The following FANCC variants were observed in gnomAD, a reference collection of about 807,000 sequenced individuals.
FANCC encodes FA complementation group C.
A neutral mutation model predicts 71.3 loss-of-function variants in FANCC; 55 were observed. That is an observed-to-expected ratio of 0.77 (90% CI 0.62 to 0.97). FANCC has a LOEUF of 0.97. Ranked by LOEUF, FANCC falls within the 50% of genes least tolerant of loss-of-function variation. The pLI, the probability that FANCC is intolerant of heterozygous loss-of-function variation, is 0.00. For synonymous variants in FANCC, 275 were observed against 244.9 expected, an observed-to-expected ratio of 1.12 and a Z score of -1.15; for missense variants, 678 against 670.9, an observed-to-expected ratio of 1.01 and a Z score of -0.12.
intron 4 of FANCC, among the ~76,000 whole-genome samples, chr9:95,235,564 G>T (rs879892722): frequency 1.3e-5 from 2 of 152,138 alleles, no homozygotes; most frequent in Non-Finnish European, 2.9e-5. Flanking sequence ...GCACAAAGTG[G>T]CCAGGCACAG....
chr9:95,135,726 C>G (rs1332680374), intron 7 of FANCC, among the ~76,000 whole-genome samples: 2 of 152,130 alleles, frequency 1.3e-5, no homozygotes, highest in East Asian at 3.9e-4. Flanking sequence ...ATCAGAAATG[C>G]TCAGGAAAAA....
intron 13 of FANCC, chr9:95,111,081 C>T: frequency 6.6e-7 from 1 of 1,512,356 alleles, no homozygotes; most frequent in Non-Finnish European, 8.8e-7. Flanking sequence ...CGAGACAGGG[C>T]CCTGGCTGTG....
chr9:95,135,292 G>T (rs529269769), intron 8 of FANCC, 54 bp downstream of exon 8: 100 of 1,554,638 alleles, frequency 6.4e-5, no homozygotes, highest in Non-Finnish European at 8.3e-5. Context: ...TAAAAGAAAT[G>T]ATTCCAAGCA....
chr9:95,212,070 C>T (rs1326086922), intron 4 of FANCC, among the ~76,000 whole-genome samples: 1 of 151,682 alleles, frequency 6.6e-6, no homozygotes, highest in African/African-American at 2.4e-5. Context: ...CAAAAGGAAG[C>T]AGAGAGAGAA....
At position 95,114,644 on chromosome 9, in the gene FANCC, T is replaced by C. The variant is rs1422757199; in HGVS notation, c.1139A>G (p.Glu380Gly). 2 of 1,614,040 alleles carry C rather than the reference T, an allele frequency of 1.2e-6. No homozygotes were observed. Among genetic ancestry groups the C allele is most frequent in the Non-Finnish European group, 1.7e-6 (2 of 1,179,990 alleles). ...GTTTGCTCACCCATGAGTCTGGTCT[T>C]CAACTGCTTCTCTGAGCAGTTCAGA... ...HISELLREAV[E>G]DQTHGSCGGP... Residue 380 changes from glutamate to glycine, a missense_variant, in exon 12 of 15, where the codon GAA becomes GGA. By Grantham distance (98) the Glu-to-Gly change is moderately conservative. Transcript: ENST00000289081.
intron 4 of FANCC, among the ~76,000 whole-genome samples, chr9:95,188,331 G>A (rs937926334): frequency 9.2e-5 from 14 of 152,146 alleles, no homozygotes; most frequent in African/African-American, 2.7e-4. Context: ...GGCACACAGC[G>A]CGTGGGTTAA....
At chr9:95,173,426 A>T (rs1825818850) in intron 4 of FANCC, among the ~76,000 whole-genome samples, 1 of 152,242 alleles carries the variant, frequency 6.6e-6, no homozygotes, top group African/African-American at 2.4e-5. Context: ...CTTGAAAAAA[A>T]TATATTAAAT....
chr9:95,264,206 CA>C (rs1336706989), intron 1 of FANCC, among the ~76,000 whole-genome samples: 1 of 152,190 alleles, frequency 6.6e-6, no homozygotes, highest in Non-Finnish European at 1.5e-5. Context: ...CTAGCTGACA[CA>C]TCTCAGGACC....
chr9:95,297,842 G>A (rs1265140451), intron 1 of FANCC, among the ~76,000 whole-genome samples: 2 of 152,180 alleles, frequency 1.3e-5, no homozygotes, highest in African/African-American at 2.4e-5. Context: ...AAAGCATCAT[G>A]ATATGTTAAG....
chr9:95,284,266 T>C (rs1260683468), intron 1 of FANCC, among the ~76,000 whole-genome samples: 1 of 152,172 alleles, frequency 6.6e-6, no homozygotes, highest in East Asian at 1.9e-4. Context: ...CCAAAGTTGT[T>C]TACTTTACTA....
In FANCC at chr9:95,101,276, A is replaced by G. The variant is rs550009657; in HGVS notation, c.*431T>C. 2.8e-4 allele frequency: 88 copies of G among 309,404 alleles called. No individual in the cohort carries two copies. The highest frequency in any genetic ancestry group is 8.6e-4 in the East Asian group (18 of 20,924). 19.2% of individuals were successfully genotyped at this position (309,404 alleles called of 1,614,324 possible). A position where few individuals can be genotyped will look rare whatever the true frequency, so the allele number is the denominator to read the frequency against. Reference sequence around the variant, plus strand: ...TTATCCCAGATCCCTGACTCCTAAAAAGAGTCTAAAAAGAGCTAAGTTCTC... The same window carrying G: ...TTATCCCAGATCCCTGACTCCTAAAGAGAGTCTAAAAAGAGCTAAGTTCTC... On this transcript the variant is annotated 3_prime_UTR_variant, in exon 15 of 15. Transcript: ENST00000289081.
intron 1 of FANCC, among the ~76,000 whole-genome samples, chr9:95,301,175 AACACACAC>A (rs146415585): frequency 1.6e-4 from 24 of 146,088 alleles, no homozygotes; most frequent in South Asian, 1.1e-3. Flanking sequence ...TAACCATCAA[AACACACAC>A]ACACACACAC....
At chr9:95,268,472 A>G (rs557314428) in intron 1 of FANCC, among the ~76,000 whole-genome samples, 6 of 152,320 alleles carry the variant, frequency 3.9e-5, no homozygotes, top group Middle Eastern at 3.4e-3. Context: ...TCACTTCCAA[A>G]TTTCTCTACT....
chr9:95,187,249 C>A (rs956606020), intron 4 of FANCC, among the ~76,000 whole-genome samples: 20 of 152,174 alleles, frequency 1.3e-4, no homozygotes, highest in African/African-American at 4.8e-4. Flanking sequence ...TCTGAAGTCG[C>A]AGTTCGGATG....
chr9:95,170,637 CGTGTGT>C (rs3992109), intron 6 of FANCC, among the ~76,000 whole-genome samples: 4,434 of 124,340 alleles, frequency 0.036, 93 homozygotes, highest in Non-Finnish European at 0.052. Context: ...TTGTAAATAT[CGTGTGT>C]GTGTGTGTGT....
At chr9:95,107,002 G>C in intron 14 of FANCC, 64 bp downstream of exon 14, 1 of 1,537,274 alleles carries the variant, frequency 6.5e-7, no homozygotes, top group Non-Finnish European at 9.0e-7. Context: ...CCCTCGGACA[G>C]GTAACCCACC....
At chr9:95,285,547 T>G (rs572838073) in intron 1 of FANCC, among the ~76,000 whole-genome samples, 1 of 152,236 alleles carries the variant, frequency 6.6e-6, no homozygotes, top group Admixed American at 6.5e-5. Context: ...GTGAAACCAC[T>G]TTTGACTATA....
At chr9:95,210,163 AAATC>A in intron 4 of FANCC, among the ~76,000 whole-genome samples, 1 of 152,180 alleles carries the variant, frequency 6.6e-6, no homozygotes, top group East Asian at 1.9e-4. Flanking sequence ...ATTTATGACT[AAATC>A]AATACATAGC....
chr9:95,108,616 G>C (rs371201077), intron 13 of FANCC, among the ~76,000 whole-genome samples: 15 of 152,264 alleles, frequency 9.9e-5, no homozygotes, highest in East Asian at 5.8e-4. Context: ...TCAGGAGAAA[G>C]ATAAAAGCTT....
Sources: allele counts gnomAD v4.1 joint callset (sites outside exome capture counted in the v4.1 genomes callset), GRCh38; gene constraint gnomAD v4.1.1; transcripts MANE v1.5; gene names NCBI Gene and HGNC (gene_info 2026-07-23, HGNC 2026-07-21).